L3MBTL4: variants seen among roughly 807,000 people sequenced by gnomAD.
L3MBTL4 encodes L3MBTL histone methyl-lysine binding protein 4, also known as lethal(3)malignant brain tumor-like protein 4.
A neutral mutation model predicts 84.5 loss-of-function variants in L3MBTL4; 70 were observed. The ratio of observed to expected loss-of-function variants is 0.83; its 90% CI spans 0.68 to 1.01. L3MBTL4 has a LOEUF of 1.01. Among genes scored for constraint, L3MBTL4 ranks in the 50% least tolerant of loss-of-function variants. The probability of loss-of-function intolerance (pLI) is 0.00; values close to 1 mark genes in which losing one functional copy is unlikely to be tolerated. For synonymous variants in L3MBTL4, 274 were observed against 259.8 expected, an observed-to-expected ratio of 1.05 and a Z score of -0.52; for missense variants, 715 against 754.8, an observed-to-expected ratio of 0.95 and a Z score of 0.62.
intron 13 of L3MBTL4, 42 bp downstream of exon 13, chr18:6,171,786 G>T: frequency 1.7e-6 from 2 of 1,189,168 alleles, no homozygotes; most frequent in Non-Finnish European, 1.2e-6. Context: ...TGGAAATCAG[G>T]CCAAGTATTT....
At chr18:6,301,765 T>C in intron 4 of L3MBTL4, 138 bp downstream of exon 4, 1 of 711,040 alleles carries the variant, frequency 1.4e-6, no homozygotes, top group Non-Finnish European at 2.5e-6. Flanking sequence ...CAGAAGAGTA[T>C]GCAATACCCT....
At chr18:6,402,444 C>G (rs2055551828) in intron 1 of L3MBTL4, among the ~76,000 whole-genome samples, 1 of 152,128 alleles carries the variant, frequency 6.6e-6, no homozygotes, top group Non-Finnish European at 1.5e-5. Context: ...ACTCTTTATA[C>G]ACACACAACC....
intron 4 of L3MBTL4, among the ~76,000 whole-genome samples, chr18:6,281,127 A>C (rs972427477): frequency 6.6e-6 from 1 of 152,228 alleles, no homozygotes; most frequent in African/African-American, 2.4e-5. Context: ...CCAAATGCTC[A>C]GTAACTGGGA....
intron 16 of L3MBTL4, among the ~76,000 whole-genome samples, chr18:6,041,389 GC>G (rs200749199): frequency 0.016 from 2,475 of 151,436 alleles, 71 homozygotes; most frequent in African/African-American, 0.057. Context: ...CAATGGACTG[GC>G]CCCCCCTAAT....
chr18:6,174,864 CA>C (rs34787848), intron 12 of L3MBTL4, among the ~76,000 whole-genome samples: 3,594 of 58,356 alleles, frequency 0.062, 108 homozygotes, highest in African/African-American at 0.16. Context: ...GAAACTCTGT[CA>C]AAAAAAAAAA....
chr18:6,059,287 GTTCAGAGTTGTCAC>G (rs1367283302), intron 16 of L3MBTL4, among the ~76,000 whole-genome samples: 1 of 152,222 alleles, frequency 6.6e-6, no homozygotes, highest in Non-Finnish European at 1.5e-5. Flanking sequence ...GGAATGTGGT[GTTCAGAGTTGTCAC>G]TCCCTCAAGC....
chr18:6,122,452 G>A (rs1477552984), intron 14 of L3MBTL4, among the ~76,000 whole-genome samples: 1 of 152,204 alleles, frequency 6.6e-6, no homozygotes, highest in Non-Finnish European at 1.5e-5. Flanking sequence ...TTGCCATGAT[G>A]TTCTCATGAG....
chr18:6,173,917 A>G (rs2044099515), intron 12 of L3MBTL4, among the ~76,000 whole-genome samples: 1 of 152,160 alleles, frequency 6.6e-6, no homozygotes, highest in South Asian at 2.1e-4. Context: ...TGAAACAAAG[A>G]TACTAGAGGT....
At chr18:6,196,993 C>T (rs2045427905) in intron 12 of L3MBTL4, among the ~76,000 whole-genome samples, 1 of 152,228 alleles carries the variant, frequency 6.6e-6, no homozygotes, top group Non-Finnish European at 1.5e-5. Flanking sequence ...ATCCAAAAGG[C>T]AAGGCCAAGC....
chr18:6,067,696 T>TA (rs59467514), intron 16 of L3MBTL4, among the ~76,000 whole-genome samples: 3,706 of 151,040 alleles, frequency 0.025, 135 homozygotes, highest in African/African-American at 0.084. Context: ...ATCCTAAATT[T>TA]AAAAAAAAAA....
intron 17 of L3MBTL4, among the ~76,000 whole-genome samples, chr18:5,963,101 C>T (rs1415615858): frequency 2.6e-5 from 4 of 152,204 alleles, no homozygotes; most frequent in Non-Finnish European, 2.9e-5. Flanking sequence ...AGCTAACGAC[C>T]CATGTTTTGT....
At chr18:6,332,313 G>T (rs766298455) in intron 1 of L3MBTL4, among the ~76,000 whole-genome samples, 28 of 152,194 alleles carry the variant, frequency 1.8e-4, no homozygotes, top group Non-Finnish European at 3.1e-4. Flanking sequence ...GACACGTTCT[G>T]AAGACCACTG....
At chr18:6,016,541 G>C (rs1460860706) in intron 16 of L3MBTL4, among the ~76,000 whole-genome samples, 1 of 152,190 alleles carries the variant, frequency 6.6e-6, no homozygotes, top group Non-Finnish European at 1.5e-5. Flanking sequence ...GGCCAGGAAT[G>C]GAAGCACAAA....
rs1201053947 is a variant in L3MBTL4 at position 6,243,301 on chromosome 18, G to A, written c.453C>T (p.Ile151=). Residue 151 remains isoleucine, a synonymous_variant, in exon 7 of 19, where the codon ATC becomes ATT. Transcript: ENST00000317931. ...WCEKTKHELH[I]PKGYRKDKFV... is the part of the protein sequence containing the mutation. ...AAATGTATCCTGGCTTACCCTTAGG[G>A]ATGTGCAGTTCATGTTTGGTCTTTT... 4.4e-6 allele frequency: 7 copies of A among 1,584,544 alleles called. No individual in the cohort carries two copies. The highest frequency in any genetic ancestry group is 6.0e-6 in the Non-Finnish European group (7 of 1,166,906).
At chr18:6,121,470 T>A (rs903156552) in intron 14 of L3MBTL4, among the ~76,000 whole-genome samples, 2 of 152,190 alleles carry the variant, frequency 1.3e-5, no homozygotes, top group African/African-American at 4.8e-5. Context: ...AAAATGAGAA[T>A]GAGATGAAGG....
intron 12 of L3MBTL4, among the ~76,000 whole-genome samples, chr18:6,196,157 C>CTTTTTTTTTTTTTTTTTTT (rs71370547): frequency 7.7e-6 from 1 of 130,226 alleles, no homozygotes; most frequent in African/African-American, 3.3e-5. Flanking sequence ...TAGAGTTCCT[C>CTTTTTTTTTTTTTTTTTTT]TTTTTTTTTT....
At chr18:6,281,439 T>C (rs1177686954) in intron 4 of L3MBTL4, among the ~76,000 whole-genome samples, 5 of 152,330 alleles carry the variant, frequency 3.3e-5, no homozygotes, top group Middle Eastern at 3.4e-3. Flanking sequence ...TTAAATACTG[T>C]CATAAATTGT....
chr18:6,019,202 G>A (rs2055136994), intron 16 of L3MBTL4, among the ~76,000 whole-genome samples: 1 of 152,158 alleles, frequency 6.6e-6, no homozygotes, highest in African/African-American at 2.4e-5. Flanking sequence ...TGAGGCGAGA[G>A]CTTATTATGT....
intron 16 of L3MBTL4, among the ~76,000 whole-genome samples, chr18:5,993,185 A>G (rs1031962190): frequency 6.6e-6 from 1 of 152,172 alleles, no homozygotes; most frequent in Non-Finnish European, 1.5e-5. Flanking sequence ...AGCCTCCCAT[A>G]AACACCGTCC....
Sources: gnomAD v4.1 joint callset for allele counts (sites outside exome capture counted in the v4.1 genomes callset) on GRCh38, gnomAD v4.1.1 for gene constraint, MANE v1.5 for transcripts, NCBI Gene and HGNC (gene_info 2026-07-23, HGNC 2026-07-21) for gene names.